ITSN2: variants seen among roughly 807,000 people sequenced by gnomAD.
The protein encoded by ITSN2 is intersectin-2.
Under a neutral mutation model 243.7 loss-of-function variants are expected in ITSN2, and 156 were observed. The ratio of observed to expected loss-of-function variants is 0.64; its 90% CI spans 0.56 to 0.73. The LOEUF (loss-of-function observed/expected upper bound fraction) is 0.73, where lower values mean the gene tolerates loss of function less well. Among genes scored for constraint, ITSN2 ranks in the 30% least tolerant of loss-of-function variants. ITSN2 has a pLI of 0.00. For synonymous variants in ITSN2, 703 were observed against 699.9 expected (o/e 1.00, Z -0.07); for missense variants, 1,801 against 1,996.1 (o/e 0.90, Z 1.86).
rs1470886992 is a variant in ITSN2, at chr2:24,295,682, T to C, written c.1617A>G (p.Gln539=). Residue 539 remains glutamine, a synonymous_variant, in exon 14 of 40, where the codon CAA becomes CAG. Transcript: ENST00000355123. ...GACTTACCTGAAGTTCCTGTTGAAGTTGCTTGATTTCCATAATTTCCAAGT... is the reference window on the plus strand; with the variant it reads ...GACTTACCTGAAGTTCCTGTTGAAGCTGCTTGATTTCCATAATTTCCAAGT... ...QCDLEIMEIK[Q]LQQELQEYQN... The C allele has an allele frequency of 6.5e-7, 1 of 1,542,420 alleles. No individual in the cohort carries two copies. Among genetic ancestry groups the C allele is most frequent in the South Asian group, 1.3e-5 (1 of 78,064 alleles).
intron 32 of ITSN2, among the ~76,000 whole-genome samples, chr2:24,212,989 G>A (rs1669643894): frequency 6.6e-6 from 1 of 152,080 alleles, no homozygotes; most frequent in Admixed American, 6.5e-5. Flanking sequence ...AGTAAAGTGA[G>A]GGGGCTTCGA....
chr2:24,242,576 T>C (rs1035762520), intron 29 of ITSN2, among the ~76,000 whole-genome samples: 4 of 152,206 alleles, frequency 2.6e-5, no homozygotes, highest in East Asian at 1.9e-4. Flanking sequence ...TGTGAGTTCA[T>C]AGCTACCAAC....
intron 1 of ITSN2, among the ~76,000 whole-genome samples, chr2:24,349,559 C>T (rs1000434658): frequency 6.6e-6 from 1 of 152,126 alleles, no homozygotes; most frequent in Non-Finnish European, 1.5e-5. Flanking sequence ...TGATAACATA[C>T]ACAAACCCTC....
At chr2:24,294,621 C>A (rs1680705542) in intron 14 of ITSN2, among the ~76,000 whole-genome samples, 1 of 152,024 alleles carries the variant, frequency 6.6e-6, no homozygotes, top group African/African-American at 2.4e-5. Flanking sequence ...TGAACCAGAC[C>A]CTACTGCACA....
chr2:24,260,736 C>T (rs1225561093), intron 22 of ITSN2, among the ~76,000 whole-genome samples: 3 of 151,650 alleles, frequency 2.0e-5, no homozygotes, highest in South Asian at 2.1e-4. Flanking sequence ...GGTGAAACCC[C>T]GTCTCTACTA....
chr2:24,319,878 T>C (rs1684353988), intron 2 of ITSN2, among the ~76,000 whole-genome samples: 1 of 152,178 alleles, frequency 6.6e-6, no homozygotes, highest in Non-Finnish European at 1.5e-5. Flanking sequence ...AACACAGTAA[T>C]GTACATGAAG....
chr2:24,298,809 T>G lies in ITSN2; in HGVS notation c.1350A>C (p.Ala450=). The G allele has an allele frequency of 6.3e-7, 1 of 1,580,282 alleles. No individual in the cohort carries two copies. The highest frequency in any genetic ancestry group is 8.5e-7 in the Non-Finnish European group (1 of 1,171,428). ...GACGTTGTCGTTCAAGTTCCTGTTTTGCTGCCTGAAAAAAAAAAGGAATTA... is the reference window on the plus strand; with the variant it reads ...GACGTTGTCGTTCAAGTTCCTGTTTGGCTGCCTGAAAAAAAAAAGGAATTA... ...RRKDIERREA[A]KQELERQRRL... The change falls in exon 13 of 40, where the codon GCA becomes GCC. Residue 450 remains alanine, a synonymous_variant. Coordinates refer to ENST00000355123, the MANE Select transcript of ITSN2 (RefSeq NM_006277.3).
chr2:24,278,984 T>C (rs745805164), intron 17 of ITSN2, among the ~76,000 whole-genome samples: 3 of 152,240 alleles, frequency 2.0e-5, no homozygotes, highest in Non-Finnish European at 4.4e-5. Context: ...AATGATAGAT[T>C]ATCTCTTTTA....
chr2:24,335,386 G>T (rs1394093923), intron 1 of ITSN2, among the ~76,000 whole-genome samples: 1 of 152,162 alleles, frequency 6.6e-6, no homozygotes, highest in Non-Finnish European at 1.5e-5. Context: ...AGGCTGGAAT[G>T]CAGAGACATG....
chr2:24,341,272 A>T (rs1687020870), intron 1 of ITSN2, among the ~76,000 whole-genome samples: 1 of 152,186 alleles, frequency 6.6e-6, no homozygotes, highest in African/African-American at 2.4e-5. Context: ...GAAGTGTCCA[A>T]GATATAGTGA....
intron 15 of ITSN2, among the ~76,000 whole-genome samples, chr2:24,291,682 G>A (rs1042056361): frequency 3.9e-5 from 6 of 151,914 alleles, no homozygotes; most frequent in African/African-American, 7.2e-5. Flanking sequence ...TAGAGATGGC[G>A]TATCACCATG....
chr2:24,282,071 AGGACAG>A (rs1418071884), intron 17 of ITSN2, among the ~76,000 whole-genome samples: 1 of 152,234 alleles, frequency 6.6e-6, no homozygotes, highest in Non-Finnish European at 1.5e-5. Context: ...AACCTAGGTG[AGGACAG>A]GCACTCCTGC....
At chr2:24,358,536 A>T (rs1253177020) in intron 1 of ITSN2, among the ~76,000 whole-genome samples, 1 of 152,128 alleles carries the variant, frequency 6.6e-6, no homozygotes, top group Non-Finnish European at 1.5e-5. Flanking sequence ...CCAATATGTG[A>T]CCCTTTTGTC....
At chr2:24,246,425 T>C in intron 28 of ITSN2, 105 bp from the exon 29 acceptor site, 1 of 607,092 alleles carries the variant, frequency 1.6e-6, no homozygotes, top group Non-Finnish European at 2.5e-6. Flanking sequence ...ATATTAAATA[T>C]TAAAATTAGG....
intron 15 of ITSN2, among the ~76,000 whole-genome samples, chr2:24,293,081 A>G (rs1386155858): frequency 6.6e-6 from 1 of 152,222 alleles, no homozygotes; most frequent in Non-Finnish European, 1.5e-5. Flanking sequence ...TATCCAATAC[A>G]GAGAATTTTT....
chr2:24,293,586 T>C (rs572983900), intron 15 of ITSN2, 102 bp downstream of exon 15: 79 of 507,130 alleles, frequency 1.6e-4, no homozygotes, highest in African/African-American at 1.4e-3. Flanking sequence ...AAAAGTGTTA[T>C]TTATAACAGA....
chr2:24,261,887 G>T, intron 20 of ITSN2, 145 bp from the exon 21 acceptor site: 1 of 551,288 alleles, frequency 1.8e-6, no homozygotes, highest in East Asian at 2.9e-5. Flanking sequence ...CAAATTAACA[G>T]CTACTATTTC....
chr2:24,287,574 A>T (rs1165149729), intron 15 of ITSN2, among the ~76,000 whole-genome samples: 2 of 152,094 alleles, frequency 1.3e-5, no homozygotes, highest in African/African-American at 4.8e-5. Flanking sequence ...AGATTGCTGG[A>T]TCATACAAGA....
upstream of ITSN2, among the ~76,000 whole-genome samples, chr2:24,360,922 A>G (rs1688939725): frequency 6.6e-6 from 1 of 152,180 alleles, no homozygotes; most frequent in Non-Finnish European, 1.5e-5. Context: ...TCTCCCTGGA[A>G]CCTTCTCACT....
Sources: allele counts gnomAD v4.1 joint callset (sites outside exome capture counted in the v4.1 genomes callset), GRCh38; gene constraint gnomAD v4.1.1; transcripts MANE v1.5; gene names NCBI Gene and HGNC (gene_info 2026-07-23, HGNC 2026-07-21).